The following METTL2A variants were observed in gnomAD, a reference collection of about 807,000 sequenced individuals.
The protein encoded by METTL2A is methyltransferase 2A, tRNA N3-cytidine.
METTL2A carries 45 observed loss-of-function variants against 49.4 expected under a neutral mutation model. The ratio of observed to expected loss-of-function variants is 0.91; its 90% CI spans 0.72 to 1.17. The LOEUF (loss-of-function observed/expected upper bound fraction) is 1.17, where lower values mean the gene tolerates loss of function less well. METTL2A is among the 50% of genes most tolerant of loss of function. METTL2A has a pLI of 0.00. For missense variants in METTL2A, 361 were observed against 462.2 expected (o/e 0.78, Z 2.01); for synonymous variants, 118 against 167.5 (o/e 0.70, Z 2.28).
intron 2 of METTL2A, among the ~76,000 whole-genome samples, chr17:62,425,022 C>T (rs1218272662): frequency 6.7e-6 from 1 of 149,582 alleles, no homozygotes; most frequent in Non-Finnish European, 1.5e-5. Flanking sequence ...GCAACTAGAT[C>T]AAAGCAAGTT....
intron 5 of METTL2A, among the ~76,000 whole-genome samples, chr17:62,435,593 T>G (rs2070695340): frequency 6.6e-6 from 1 of 152,196 alleles, no homozygotes; most frequent in South Asian, 2.1e-4. Flanking sequence ...GCTTTGGTGA[T>G]TCTCAGAATA....
At chr17:62,446,227 C>T (rs1212444730) in intron 7 of METTL2A, among the ~76,000 whole-genome samples, 1 of 152,098 alleles carries the variant, frequency 6.6e-6, no homozygotes, top group East Asian at 1.9e-4. Context: ...GATCTCGGCT[C>T]ACTGCAACCT....
rs1177989830 is a variant in METTL2A, at chr17:62,444,928, C to G, written c.901C>G (p.Leu301Val). The G allele has an allele frequency of 6.2e-7, 1 of 1,613,698 alleles. No homozygotes were observed. The highest frequency in any genetic ancestry group is 8.5e-7 in the Non-Finnish European group (1 of 1,179,860). ...RDYGRYDMAQ[L>V]RFKKGQCLSG... The stretch of plus-strand genomic sequence containing the variant: ...TTACGGCCGCTATGACATGGCTCAG[C>G]TTCGGTTTAAAAAAGGTATTTTGAA... The change falls in exon 7 of 9, where the codon CTT becomes GTT. Residue 301 changes from leucine (L) to valine (V), a missense_variant. Around this residue, in one of 3 missense-constraint regions of METTL2A, gnomAD observed 183 missense variants for 216.5 expected, o/e 0.85. Coordinates refer to ENST00000311506, the MANE Select transcript of METTL2A (RefSeq NM_181725.4).
At chr17:62,446,742 ATGT>A (rs2070771697) in intron 7 of METTL2A, among the ~76,000 whole-genome samples, 1 of 152,130 alleles carries the variant, frequency 6.6e-6, no homozygotes, top group Admixed American at 6.6e-5. Context: ...GGATAGGGAG[ATGT>A]TGTGCTTGTC....
intron 4 of METTL2A, among the ~76,000 whole-genome samples, chr17:62,428,552 C>T (rs1375479743): frequency 6.6e-6 from 1 of 152,194 alleles, no homozygotes; most frequent in Non-Finnish European, 1.5e-5. Context: ...GGCTGTAAAT[C>T]AGGGTAGCCC....
rs1394289972 is a variant in METTL2A at position 62,423,974 on chromosome 17, C to T, written c.72C>T (p.Phe24=). The part of the protein sequence containing the change: ...ADKRQQFGSR[F]LRDPARVFHH... Reference sequence around the variant, plus strand: ...AGAGGCAGCAGTTCGGAAGCCGGTTCCTGAGAGATCCGGCGCGCGTCTTCC... The same window carrying T: ...AGAGGCAGCAGTTCGGAAGCCGGTTTCTGAGAGATCCGGCGCGCGTCTTCC... Residue 24 remains phenylalanine (F), a synonymous_variant, in exon 1 of 9, where the codon TTC becomes TTT. Transcript: ENST00000311506. 2 of 1,614,056 alleles carry T rather than the reference C, an allele frequency of 1.2e-6. No individual in the cohort carries two copies. Among genetic ancestry groups the T allele is most frequent in the South Asian group, 2.2e-5 (2 of 91,014 alleles).
intron 6 of METTL2A, among the ~76,000 whole-genome samples, chr17:62,444,101 C>A (rs1273184544): frequency 3.3e-5 from 5 of 152,134 alleles, no homozygotes; most frequent in African/African-American, 9.7e-5. Flanking sequence ...ATTTAACAAA[C>A]AGAAAGATAC....
At chr17:62,444,144 A>G (rs1293206685) in intron 6 of METTL2A, among the ~76,000 whole-genome samples, 1 of 152,328 alleles carries the variant, frequency 6.6e-6, no homozygotes, top group Non-Finnish European at 1.5e-5. Flanking sequence ...AGGTCTAATG[A>G]TGCAGGCAGA....
intron 6 of METTL2A, among the ~76,000 whole-genome samples, chr17:62,441,743 C>CTT (rs148727051): frequency 8.2e-5 from 11 of 134,602 alleles, no homozygotes; most frequent in East Asian, 4.3e-4. Context: ...CTATGCTGGC[C>CTT]TTTTTTTTTT....
At position 62,453,284 on chromosome 17, in the gene METTL2A, C is replaced by T. The variant is rs569054008; in HGVS notation, c.*4555C>T. ...AAGGGACTTTGCATAACGTTTCATCCTCAGAATCGCTAATGATGGGCAGAG... is the reference window on the plus strand; with the variant it reads ...AAGGGACTTTGCATAACGTTTCATCTTCAGAATCGCTAATGATGGGCAGAG... On this transcript the variant is annotated 3_prime_UTR_variant, in exon 9 of 9. Transcript: ENST00000311506. 6.6e-6 allele frequency among the ~76,000 whole-genome samples: 1 copy of T among 152,264 alleles called. No homozygotes were observed. Among genetic ancestry groups the T allele is most frequent in the East Asian group, 1.9e-4 (1 of 5,182 alleles).
At position 62,448,893 on chromosome 17, in the gene METTL2A, G is replaced by A. The variant is rs2070787147; in HGVS notation, c.*164G>A. On this transcript the variant is annotated 3_prime_UTR_variant, in exon 9 of 9. Transcript: ENST00000311506. Reference sequence around the variant, plus strand: ...AGCAGTCCAACCTGGGCAAAATAGTGAGAGACCCTGTATCTGAAAGTAATA... The same window carrying A: ...AGCAGTCCAACCTGGGCAAAATAGTAAGAGACCCTGTATCTGAAAGTAATA... 4 of 921,990 alleles carry A rather than the reference G, an allele frequency of 4.3e-6. No individual in the cohort carries two copies. The highest frequency in any genetic ancestry group is 5.3e-5 in the South Asian group (2 of 38,078). The allele number at this position is 921,990 out of a possible 1,614,324, so 57.1% of individuals were successfully genotyped here.
At chr17:62,437,690 A>G (rs1598033844) in intron 5 of METTL2A, among the ~76,000 whole-genome samples, 1 of 152,302 alleles carries the variant, frequency 6.6e-6, no homozygotes, top group East Asian at 1.9e-4. Flanking sequence ...TGTATCTGTT[A>G]TGGCTGGGGT....
In METTL2A at chr17:62,435,148, A is replaced by G. The variant is rs2070691799; in HGVS notation, c.609-84A>G. The G allele has an allele frequency of 2.9e-5, 46 of 1,569,172 alleles. No homozygotes were observed. The South Asian group carries it at 4.5e-4, about 15-fold the overall frequency. ...AATGAATGATAGTTTTTCCCATTTG[A>G]TATTTTAACTGTGCTACACAAGAAT... On this transcript the variant is annotated intron_variant, in intron 4 of 8. Coordinates refer to ENST00000311506, the MANE Select transcript of METTL2A (RefSeq NM_181725.4).
chr17:62,434,868 G>C, intron 4 of METTL2A: 1 of 297,164 alleles, frequency 3.4e-6, no homozygotes, highest in Non-Finnish European at 6.6e-6. Context: ...GTACAGATGT[G>C]TTCCTGGTGT....
chr17:62,448,722 C>A lies in METTL2A; in HGVS notation c.1130C>A (p.Thr377Asn). ...CKYCKPLLSS[T>N]S ...TACTGCAAGCCCCTTCTGTCCAGCA[C>A]CAGCTGAGAGGCACCTGCTGCCAAC... The change falls in exon 9 of 9, where the codon ACC (threonine) becomes AAC (asparagine). Residue 377 changes from threonine (T) to asparagine (N), a missense_variant. This residue lies in a region of METTL2A where 183 missense variants were observed against 216.5 expected (regional missense o/e 0.85). Coordinates refer to ENST00000311506, the MANE Select transcript of METTL2A (RefSeq NM_181725.4). 3.7e-6 allele frequency: 6 copies of A among 1,613,886 alleles called. No homozygotes were observed. The highest frequency in any genetic ancestry group is 4.2e-6 in the Non-Finnish European group (5 of 1,179,954).
At chr17:62,428,546 G>T (rs889421227) in intron 4 of METTL2A, among the ~76,000 whole-genome samples, 1 of 152,218 alleles carries the variant, frequency 6.6e-6, no homozygotes, top group Non-Finnish European at 1.5e-5. Context: ...CCTACAGGCT[G>T]TAAATCAGGG....
intron 6 of METTL2A, among the ~76,000 whole-genome samples, chr17:62,441,309 T>A (rs2070737448): frequency 1.3e-5 from 2 of 152,184 alleles, no homozygotes; most frequent in African/African-American, 4.8e-5. Context: ...GGCTCAACAT[T>A]GGGAAAGAAT....
intron 2 of METTL2A, among the ~76,000 whole-genome samples, chr17:62,425,771 C>T (rs181416091): frequency 0.034 from 4,949 of 146,972 alleles, 291 homozygotes; most frequent in African/African-American, 0.11. Flanking sequence ...GAGGCCGAGG[C>T]GGGTGGATCA....
chr17:62,447,852 G>A, intron 8 of METTL2A, 86 bp downstream of exon 8: 1 of 1,589,258 alleles, frequency 6.3e-7, no homozygotes, highest in Non-Finnish European at 8.6e-7. Context: ...AAAACTATCT[G>A]GTCCCTCCTG....
Sources: gnomAD v4.1 joint callset for allele counts (sites outside exome capture counted in the v4.1 genomes callset) on GRCh38, gnomAD v4.1.1 for gene constraint, gnomAD v4.1.1 regional missense constraint, MANE v1.5 for transcripts, NCBI Gene and HGNC (gene_info 2026-07-23, HGNC 2026-07-21) for gene names.